The following ZFTRAF1 variants were observed in gnomAD, a reference collection of about 807,000 sequenced individuals.
The protein encoded by ZFTRAF1 is zinc finger TRAF-type and ring finger containing 1.
the ZFTRAF1 span, among the ~76,000 whole-genome samples, chr8:144,461,372 G>C: frequency 6.6e-6 from 1 of 152,208 alleles, no homozygotes; most frequent in Admixed American, 6.5e-5. Context: ...GGGAAGGTGG[G>C]GACACTGTAC....
the ZFTRAF1 span, among the ~76,000 whole-genome samples, chr8:144,460,888 A>T: frequency 2.2e-4 from 34 of 152,054 alleles, no homozygotes; most frequent in South Asian, 2.1e-4. Context: ...CGTCTCAAAA[A>T]AAAGGAGAGT....
chr8:144,450,870 G>A, the ZFTRAF1 span: 1 of 606,264 alleles, frequency 1.6e-6, no homozygotes, highest in Non-Finnish European at 3.0e-6. Flanking sequence ...CTCAGCCGGG[G>A]AGGAAGGCAA....
At chr8:144,452,651 T>C in the ZFTRAF1 span, 2 of 1,345,504 alleles carry the variant, frequency 1.5e-6, no homozygotes, top group African/African-American at 1.4e-5. Flanking sequence ...ATGGCTTCCA[T>C]CCAGCTAAGA....
At chr8:144,453,401 C>G in the ZFTRAF1 span, 1 of 1,551,232 alleles carries the variant, frequency 6.4e-7, no homozygotes, top group Non-Finnish European at 8.7e-7. Context: ...CCTCCTTCAG[C>G]CGGGCATCTG....
the ZFTRAF1 span, among the ~76,000 whole-genome samples, chr8:144,458,575 G>A: frequency 1.3e-5 from 2 of 152,124 alleles, no homozygotes; most frequent in African/African-American, 2.4e-5. Flanking sequence ...TGTGGGGCTC[G>A]GGCAGAGAGG....
chr8:144,459,483 A>C, the ZFTRAF1 span, among the ~76,000 whole-genome samples: 2 of 152,228 alleles, frequency 1.3e-5, no homozygotes, highest in African/African-American at 4.8e-5. Flanking sequence ...AACCTTTTGC[A>C]TGAGGGCCTC....
chr8:144,461,307 G>A, the ZFTRAF1 span, among the ~76,000 whole-genome samples: 3 of 152,234 alleles, frequency 2.0e-5, no homozygotes, highest in African/African-American at 2.4e-5. Context: ...AGCTGACAGA[G>A]AACCTGCTTC....
the ZFTRAF1 span, chr8:144,462,383 G>T: frequency 2.1e-6 from 1 of 466,372 alleles, no homozygotes; most frequent in South Asian, 3.4e-5. Context: ...CGCCGCCGCC[G>T]CCGCCGCCTC....
chr8:144,450,379 C>T, the ZFTRAF1 span: 8 of 713,700 alleles, frequency 1.1e-5, no homozygotes, highest in African/African-American at 1.2e-4. Flanking sequence ...AGGCCCCGCC[C>T]TACTTCTGTA....
At chr8:144,458,116 G>A in the ZFTRAF1 span, among the ~76,000 whole-genome samples, 1 of 152,222 alleles carries the variant, frequency 6.6e-6, no homozygotes, top group African/African-American at 2.4e-5. Context: ...TCAAACATGG[G>A]TCTGAGAGGG....
chr8:144,457,054 G>C, the ZFTRAF1 span: 1 of 149,938 alleles, frequency 6.7e-6, no homozygotes, highest in East Asian at 2.0e-4. Flanking sequence ...ATCATGGGGG[G>C]AATGACACCA....
At chr8:144,462,274 C>T in the ZFTRAF1 span, 1 of 567,000 alleles carries the variant, frequency 1.8e-6, no homozygotes, top group East Asian at 3.6e-5. Flanking sequence ...GGTCGGCCGG[C>T]GGCCCTACCT....
At chr8:144,460,034 T>C in the ZFTRAF1 span, among the ~76,000 whole-genome samples, 10 of 152,296 alleles carry the variant, frequency 6.6e-5, no homozygotes, top group East Asian at 1.9e-3. Flanking sequence ...ACACCATCTG[T>C]GCCCAGATTC....
chr8:144,453,581 G>C, the ZFTRAF1 span: 2 of 855,872 alleles, frequency 2.3e-6, no homozygotes, highest in Admixed American at 2.5e-5. Context: ...GCAGAGGGGC[G>C]CACGTGCCTG....
At chr8:144,460,605 A>G in the ZFTRAF1 span, among the ~76,000 whole-genome samples, 7 of 152,360 alleles carry the variant, frequency 4.6e-5, no homozygotes, top group African/African-American at 1.7e-4. Context: ...AGTTCTGGCC[A>G]AGCGCAGTGG....
the ZFTRAF1 span, chr8:144,462,231 C>CG: frequency 4.2e-6 from 2 of 480,758 alleles, no homozygotes; most frequent in South Asian, 2.6e-5. Context: ...GGCCCCGCGG[C>CG]GGGGGCTGCA....
the ZFTRAF1 span, among the ~76,000 whole-genome samples, chr8:144,459,469 C>T: frequency 2.8e-4 from 42 of 152,338 alleles, no homozygotes; most frequent in Non-Finnish European, 5.0e-4. Context: ...TCGGCGGTGG[C>T]GGAAACCTTT....
At chr8:144,452,802 C>T in the ZFTRAF1 span, among the ~76,000 whole-genome samples, 2 of 152,190 alleles carry the variant, frequency 1.3e-5, no homozygotes, top group Admixed American at 6.5e-5. Flanking sequence ...CTGTGTGCCC[C>T]GCACCATGGC....
At chr8:144,452,066 T>G in the ZFTRAF1 span, 1 of 461,880 alleles carries the variant, frequency 2.2e-6, no homozygotes, top group Non-Finnish European at 4.1e-6. Context: ...AGCCCCACAG[T>G]GAGATGCCAC....
Sources: gnomAD v4.1 joint callset for allele counts (sites outside exome capture counted in the v4.1 genomes callset) on GRCh38, gnomAD v4.1.1 for gene constraint, MANE v1.5 for transcripts, NCBI Gene and HGNC (gene_info 2026-07-23, HGNC 2026-07-21) for gene names.